The following CARMIL1 variants were observed in gnomAD, a reference collection of about 807,000 sequenced individuals.
CARMIL1 encodes F-actin-uncapping protein LRRC16A.
A neutral mutation model predicts 177.1 loss-of-function variants in CARMIL1; 90 were observed. The ratio of observed to expected loss-of-function variants is 0.51; its 90% CI spans 0.43 to 0.61. The LOEUF (loss-of-function observed/expected upper bound fraction) is 0.61, where lower values mean the gene tolerates loss of function less well. Among genes scored for constraint, CARMIL1 ranks in the 20% least tolerant of loss-of-function variants. The probability of loss-of-function intolerance (pLI) is 0.00; values close to 1 mark genes in which losing one functional copy is unlikely to be tolerated. For missense variants in CARMIL1, 1,380 were observed against 1,667.0 expected (o/e 0.83, Z 3.00); for synonymous variants, 577 against 606.2 (o/e 0.95, Z 0.71).
intron 36 of CARMIL1, among the ~76,000 whole-genome samples, chr6:25,615,434 T>C (rs1816821036): frequency 6.6e-6 from 1 of 152,240 alleles, no homozygotes; most frequent in Non-Finnish European, 1.5e-5. Flanking sequence ...CATTTCATAT[T>C]ATTTCCTCTC....
intron 12 of CARMIL1, among the ~76,000 whole-genome samples, chr6:25,484,144 TC>T (rs1460879586): frequency 1.3e-5 from 2 of 152,344 alleles, no homozygotes; most frequent in Non-Finnish European, 2.9e-5. Context: ...TTCTCTGTGT[TC>T]CTTAGCCCTG....
intron 23 of CARMIL1, among the ~76,000 whole-genome samples, chr6:25,526,189 ATAAATAAG>A (rs1807103243): frequency 8.3e-6 from 1 of 120,322 alleles, no homozygotes; most frequent in African/African-American, 3.1e-5. Context: ...AAATAAATAA[ATAAATAAG>A]CCAGGCGTGG....
intron 24 of CARMIL1, among the ~76,000 whole-genome samples, chr6:25,536,162 TTTG>T (rs1808283485): frequency 6.6e-6 from 1 of 152,158 alleles, no homozygotes; most frequent in Admixed American, 6.5e-5. Flanking sequence ...TAGTGTGTGG[TTTG>T]TCTCTTGAAA....
In CARMIL1 at chr6:25,367,827, C is replaced by T. The variant is rs996942311; in HGVS notation, c.139-52287C>T. 3.8e-4 allele frequency among the ~76,000 whole-genome samples: 58 copies of T among 152,142 alleles called. 1 individual carries two copies. Among genetic ancestry groups the T allele is most frequent in the Admixed American group, 3.7e-3 (57 of 15,272 alleles). On this transcript the variant is annotated intron_variant, in intron 2 of 36. Coordinates refer to ENST00000329474, the MANE Select transcript of CARMIL1 (RefSeq NM_017640.6). ...AGGCTGGAGTGCAGTGGCATGATCT[C>T]GGCTCACTGCAGCTTCTGCCTCCCA...
chr6:25,586,579 G>A (rs1359672150), intron 31 of CARMIL1, among the ~76,000 whole-genome samples: 4 of 151,530 alleles, frequency 2.6e-5, no homozygotes, highest in Non-Finnish European at 4.4e-5. Context: ...CTGCAATCTC[G>A]GCACTTTGGG....
chr6:25,602,898 T>G (rs2151312781), intron 33 of CARMIL1, among the ~76,000 whole-genome samples: 1 of 152,306 alleles, frequency 6.6e-6, no homozygotes, highest in South Asian at 2.1e-4. Flanking sequence ...CACTTTTCAT[T>G]TATTGACAAA....
At chr6:25,305,213 C>T (rs944038886) in intron 2 of CARMIL1, among the ~76,000 whole-genome samples, 1 of 152,108 alleles carries the variant, frequency 6.6e-6, no homozygotes, top group Non-Finnish European at 1.5e-5. Context: ...ATCAGGAGTC[C>T]TGAGGGTTAG....
At chr6:25,425,862 T>G (rs1345365357) in intron 3 of CARMIL1, among the ~76,000 whole-genome samples, 1 of 152,196 alleles carries the variant, frequency 6.6e-6, no homozygotes, top group Non-Finnish European at 1.5e-5. Flanking sequence ...AATATGGATT[T>G]AATTAGGATA....
intron 2 of CARMIL1, among the ~76,000 whole-genome samples, chr6:25,337,175 A>G (rs1039195533): frequency 2.6e-5 from 4 of 152,238 alleles, no homozygotes; most frequent in Non-Finnish European, 5.9e-5. Flanking sequence ...GCATTTCTCT[A>G]CTTCCTTATT....
chr6:25,472,981 G>T (rs1223044479), intron 11 of CARMIL1, among the ~76,000 whole-genome samples: 3 of 152,030 alleles, frequency 2.0e-5, no homozygotes, highest in African/African-American at 7.3e-5. Flanking sequence ...GTTATTGGTG[G>T]AATTAATTTC....
At position 25,385,425 on chromosome 6, in the gene CARMIL1, G is replaced by T. The variant is rs900592333; in HGVS notation, c.139-34689G>T. On this transcript the variant is annotated intron_variant, in intron 2 of 36. Transcript: ENST00000329474. ...CTCTGTGCAATGTGGTTTTCAGGGAGTGAGGACTGGAGACAGAGTAGATAA... is the reference window on the plus strand; with the variant it reads ...CTCTGTGCAATGTGGTTTTCAGGGATTGAGGACTGGAGACAGAGTAGATAA... 2.6e-5 allele frequency among the ~76,000 whole-genome samples: 4 copies of T among 152,190 alleles called. No homozygotes were observed. In the East Asian group the frequency reaches 5.8e-4, roughly 22 times the overall value.
intron 26 of CARMIL1, among the ~76,000 whole-genome samples, chr6:25,540,340 A>AC (rs1457524269): frequency 2.0e-5 from 3 of 152,218 alleles, no homozygotes; most frequent in Non-Finnish European, 2.9e-5. Context: ...ATTTCTATTT[A>AC]GGGGGTAGAA....
chr6:25,372,190 G>A (rs541846905), intron 2 of CARMIL1, among the ~76,000 whole-genome samples: 4 of 152,252 alleles, frequency 2.6e-5, no homozygotes, highest in African/African-American at 9.6e-5. Context: ...GTAATGTGAT[G>A]CCTTCATGTT....
At chr6:25,319,648 A>G (rs1784535387) in intron 2 of CARMIL1, among the ~76,000 whole-genome samples, 1 of 151,620 alleles carries the variant, frequency 6.6e-6, no homozygotes, top group Admixed American at 6.6e-5. Context: ...CATAGCTTTT[A>G]TTACATTTTC....
chr6:25,346,863 A>T (rs1169515345), intron 2 of CARMIL1, among the ~76,000 whole-genome samples: 1 of 152,246 alleles, frequency 6.6e-6, no homozygotes, highest in Non-Finnish European at 1.5e-5. Context: ...ATTTAAAAGC[A>T]TAATATTAGG....
intron 27 of CARMIL1, among the ~76,000 whole-genome samples, chr6:25,552,162 C>A (rs1184052274): frequency 6.6e-6 from 1 of 152,114 alleles, no homozygotes; most frequent in East Asian, 1.9e-4. Context: ...GTTTATAGGA[C>A]CCCATAGATT....
chr6:25,582,807 T>G (rs760834197), intron 31 of CARMIL1, among the ~76,000 whole-genome samples: 2 of 152,212 alleles, frequency 1.3e-5, no homozygotes, highest in African/African-American at 2.4e-5. Flanking sequence ...GCCAGATCTA[T>G]TTAGACCTCT....
intron 8 of CARMIL1, among the ~76,000 whole-genome samples, chr6:25,460,068 C>T (rs552505355): frequency 2.0e-5 from 3 of 152,310 alleles, no homozygotes; most frequent in African/African-American, 7.2e-5. Context: ...GGAAACCTTT[C>T]CCCTTATGTC....
rs1798012460 is a variant in CARMIL1, at chr6:25,444,199, T to C, written c.372-5699T>C. ...CTCTGTGGCATGCAATGCTGTTTGA[T>C]AGCATTTTACTCACAGTAGAACTTG... On this transcript the variant is annotated intron_variant, in intron 5 of 36. Coordinates refer to ENST00000329474, the MANE Select transcript of CARMIL1 (RefSeq NM_017640.6). Among the ~76,000 whole-genome samples, 3 of 152,192 alleles carry C rather than the reference T, an allele frequency of 2.0e-5. No homozygotes were observed. In the South Asian group the frequency reaches 6.2e-4, roughly 31 times the overall value.
Sources: gnomAD v4.1 joint callset for allele counts (sites outside exome capture counted in the v4.1 genomes callset) on GRCh38, gnomAD v4.1.1 for gene constraint, MANE v1.5 for transcripts, NCBI Gene and HGNC (gene_info 2026-07-23, HGNC 2026-07-21) for gene names.